Variants in NEK3 observed in about 807,000 individuals in gnomAD.
NEK3 encodes serine/threonine-protein kinase Nek3.
In NEK3, 54 loss-of-function variants were observed where a neutral mutation model predicts 66.0. The ratio of observed to expected loss-of-function variants is 0.82; its 90% CI spans 0.66 to 1.03. The LOEUF (loss-of-function observed/expected upper bound fraction) is 1.03, where lower values mean the gene tolerates loss of function less well. NEK3 is among the 50% of genes least tolerant of loss of function. The probability of loss-of-function intolerance (pLI) is 0.00; values close to 1 mark genes in which losing one functional copy is unlikely to be tolerated. For synonymous variants in NEK3, 200 were observed against 206.2 expected, an observed-to-expected ratio of 0.97 and a Z score of 0.26; for missense variants, 593 against 603.0, an observed-to-expected ratio of 0.98 and a Z score of 0.17.
chr13:52,143,774 T>C, intron 10 of NEK3, 141 bp downstream of exon 10: 1 of 584,414 alleles, frequency 1.7e-6, no homozygotes, highest in Non-Finnish European at 3.0e-6. Flanking sequence ...GAATTACATC[T>C]AAAGTAACAA....
At position 52,133,772 on chromosome 13, in the gene NEK3, T is replaced by C; in HGVS notation, c.1353A>G (p.Glu451=). 6.3e-7 allele frequency: 1 copy of C among 1,595,158 alleles called. No homozygotes were observed. The highest frequency in any genetic ancestry group is 8.5e-7 in the Non-Finnish European group (1 of 1,169,970). ...GACCTCCATCAACACTGTCCGATGCTTCTGTTTCTTCAGACAGGGGGCCTT... is the reference window on the plus strand; with the variant it reads ...GACCTCCATCAACACTGTCCGATGCCTCTGTTTCTTCAGACAGGGGGCCTT... ...FLKGPLSEET[E]ASDSVDGGHD... The change falls in exon 15 of 16, where the codon GAA becomes GAG. Residue 451 remains glutamate, a synonymous_variant. Coordinates refer to ENST00000610828, the MANE Select transcript of NEK3 (RefSeq NM_002498.3).
chr13:52,136,374 T>C lies in NEK3; in HGVS notation c.1031-115A>G, dbSNP rs1281743825. 4 of 1,056,564 alleles carry C rather than the reference T, an allele frequency of 3.8e-6. No individual in the cohort carries two copies. In the African/African-American group the frequency reaches 6.4e-5, roughly 17 times the overall value. The allele number at this position is 1,056,564 out of a possible 1,614,324, so 65.4% of individuals were successfully genotyped here. Reference sequence around the variant, plus strand: ...GTTTCTTTTCTCTTTCATATTCAGATCTATGTTTGAAAGATCAATGTTCTT... The same window carrying C: ...GTTTCTTTTCTCTTTCATATTCAGACCTATGTTTGAAAGATCAATGTTCTT... On this transcript the variant is annotated intron_variant, in intron 12 of 15. Transcript: ENST00000610828.
intron 5 of NEK3, among the ~76,000 whole-genome samples, chr13:52,152,286 G>C (rs1035217728): frequency 6.6e-6 from 1 of 152,172 alleles, no homozygotes. Context: ...CTTAAAAAGT[G>C]CTGAGAGTAG....
In NEK3 at chr13:52,150,589, T is replaced by A. The variant is rs563406415; in HGVS notation, c.548+557A>T. ...CATCCATCCCCACAATTGGCACATA[T>A]AACTTATATTCAGAAAAAATACTGC... On this transcript the variant is annotated intron_variant, in intron 7 of 15. Transcript: ENST00000610828. 3.5e-4 allele frequency among the ~76,000 whole-genome samples: 53 copies of A among 152,314 alleles called. 1 individual carries two copies. The highest frequency in any genetic ancestry group is 1.3e-3 in the African/African-American group (52 of 41,572).
intron 3 of NEK3, 28 bp downstream of exon 3, chr13:52,154,052 G>A: frequency 6.9e-6 from 11 of 1,600,062 alleles, no homozygotes; most frequent in Non-Finnish European, 8.6e-6. Flanking sequence ...ATTCAGAAAT[G>A]CACATATCTG....
intron 8 of NEK3, among the ~76,000 whole-genome samples, chr13:52,147,943 C>CTGAG (rs1956308013): frequency 1.3e-5 from 2 of 152,154 alleles, no homozygotes; most frequent in South Asian, 4.1e-4. Context: ...TTGCAGTGAG[C>CTGAG]TGAGATTGCA....
At chr13:52,148,589 T>C (rs1956313570) in intron 7 of NEK3, 120 bp from the exon 8 acceptor site, 4 of 837,630 alleles carry the variant, frequency 4.8e-6, no homozygotes, top group South Asian at 1.7e-5. Context: ...TTAAAACATA[T>C]AATGTTGGTC....
At chr13:52,134,820 C>G (rs1301420449) in intron 14 of NEK3, among the ~76,000 whole-genome samples, 1 of 152,176 alleles carries the variant, frequency 6.6e-6, no homozygotes, top group African/African-American at 2.4e-5. Flanking sequence ...GTGCACAGCT[C>G]TATCTGAATG....
intron 7 of NEK3, among the ~76,000 whole-genome samples, chr13:52,148,804 C>T (rs894674405): frequency 2.6e-5 from 4 of 152,168 alleles, no homozygotes; most frequent in African/African-American, 9.7e-5. Context: ...ATTCCGACCA[C>T]CCTGGACACA....
intron 11 of NEK3, among the ~76,000 whole-genome samples, chr13:52,139,275 T>C (rs1416604477): frequency 6.6e-6 from 1 of 152,244 alleles, no homozygotes; most frequent in African/African-American, 2.4e-5. Context: ...AAAAACATTA[T>C]GTAAGTGAAA....
At position 52,144,856 on chromosome 13, in the gene NEK3, T is replaced by C. The variant is rs544532991; in HGVS notation, c.639A>G (p.Lys213=). Residue 213 remains lysine, a synonymous_variant, in exon 9 of 16, where the codon AAA becomes AAG. Coordinates refer to ENST00000610828, the MANE Select transcript of NEK3 (RefSeq NM_002498.3). ...GTGGACTGATGCACCCTTGACATAC[T>C]TTGAGGATAAGATTTTTCCAACTAT... The part of the protein sequence containing the change: ...QANSWKNLIL[K]VCQGCISPLP... The C allele has an allele frequency of 1.2e-4, 196 of 1,610,554 alleles. 2 individuals carry two copies. The South Asian group carries it at 1.6e-3, about 13-fold the overall frequency.
chr13:52,133,296 G>A (rs928874848), intron 15 of NEK3, 70 bp from the exon 16 acceptor site: 31 of 1,206,150 alleles, frequency 2.6e-5, no homozygotes, highest in Admixed American at 8.0e-5. Flanking sequence ...AGTTCAAAGC[G>A]GAATACCACC....
Position 52,151,377 on chromosome 13 carries a change from G to T in NEK3, c.409C>A (p.Gln137Lys). 1.3e-6 allele frequency: 2 copies of T among 1,587,242 alleles called. No individual in the cohort carries two copies. The highest frequency in any genetic ancestry group is 1.7e-6 in the Non-Finnish European group (2 of 1,166,094). ...DIKSKNIFLT[Q>K]NGKVKLGDFG... ...TCTCCCAATTTCACTTTTCCATTCT[G>T]AGTGAGGAAGATATTCTGCATTTAA... is the stretch of plus-strand genomic sequence containing the variant. Residue 137 changes from glutamine (Q) to lysine (K), a missense_variant, in exon 6 of 16, where the codon CAG becomes AAG. Gln to Lys is a moderately conservative substitution (Grantham distance 53, BLOSUM62 1). Transcript: ENST00000610828.
chr13:52,133,059 G>A lies in NEK3; in HGVS notation c.*83C>T, dbSNP rs1457517993. ...ATTCTGTTTCCAAAGGAAAATATAC[G>A]TCGCATGAACTCATGATCATCTCAG... On this transcript the variant is annotated 3_prime_UTR_variant, in exon 16 of 16. Coordinates refer to ENST00000610828, the MANE Select transcript of NEK3 (RefSeq NM_002498.3). The A allele has an allele frequency of 7.5e-6, 8 of 1,059,750 alleles. No individual in the cohort carries two copies. The highest frequency in any genetic ancestry group is 1.0e-5 in the Non-Finnish European group (7 of 702,728). 65.6% of individuals were successfully genotyped at this position (1,059,750 alleles called of 1,614,324 possible).
At chr13:52,148,749 T>C (rs954553960) in intron 7 of NEK3, among the ~76,000 whole-genome samples, 2 of 152,178 alleles carry the variant, frequency 1.3e-5, no homozygotes, top group Non-Finnish European at 2.9e-5. Context: ...ACTCAGATGA[T>C]CACAGCTGGA....
rs1295537189 is a variant in NEK3 at position 52,137,039 on chromosome 13, A to C, written c.928-137T>G. 3 of 545,700 alleles carry C rather than the reference A, an allele frequency of 5.5e-6. No homozygotes were observed. In the East Asian group the frequency reaches 9.5e-5, roughly 17 times the overall value. 33.8% of individuals were successfully genotyped at this position (545,700 alleles called of 1,614,324 possible). On this transcript the variant is annotated intron_variant, in intron 11 of 15. Transcript: ENST00000610828. The stretch of plus-strand genomic sequence containing the variant: ...ATACATGAATAATCATAGAACCCCA[A>C]GGACATGTATATTAATAGCCATATA...
At chr13:52,158,236 CA>C (rs1418721890) in intron 1 of NEK3, among the ~76,000 whole-genome samples, 1 of 152,100 alleles carries the variant, frequency 6.6e-6, no homozygotes. Context: ...GCATGACAGG[CA>C]AAGCAAAAAT....
At chr13:52,143,243 G>C (rs532592966) in intron 10 of NEK3, among the ~76,000 whole-genome samples, 25 of 152,218 alleles carry the variant, frequency 1.6e-4, no homozygotes, top group African/African-American at 5.8e-4. Flanking sequence ...TTGAACCTGG[G>C]GGGCAGAGGT....
intron 7 of NEK3, among the ~76,000 whole-genome samples, chr13:52,149,688 T>C (rs1341234454): frequency 6.6e-6 from 1 of 151,994 alleles, no homozygotes; most frequent in Non-Finnish European, 1.5e-5. Context: ...GCCAATATGG[T>C]GAAACCCCAT....
Sources: gnomAD v4.1 joint callset for allele counts (sites outside exome capture counted in the v4.1 genomes callset) on GRCh38, gnomAD v4.1.1 for gene constraint, MANE v1.5 for transcripts, NCBI Gene and HGNC (gene_info 2026-07-23, HGNC 2026-07-21) for gene names.